Variants in MAN1A2 observed in about 807,000 individuals in gnomAD.
MAN1A2 encodes mannosidase alpha class 1A member 2, also known as mannosyl-oligosaccharide 1,2-alpha-mannosidase IB.
In MAN1A2, 26 loss-of-function variants were observed where a neutral mutation model predicts 75.7. That is an observed-to-expected ratio of 0.34 (90% CI 0.25 to 0.48). The LOEUF (loss-of-function observed/expected upper bound fraction) is 0.48. MAN1A2 is among the 20% of genes least tolerant of loss of function. MAN1A2 has a pLI of 0.99. For missense variants in MAN1A2, 562 were observed against 775.5 expected (o/e 0.72, Z 3.27); for synonymous variants, 247 against 264.6 (o/e 0.93, Z 0.65).
In MAN1A2 at chr1:117,420,613, A is replaced by T. The variant is rs763371079; in HGVS notation, c.819A>T (p.Gly273=). 5 of 1,613,062 alleles carry T rather than the reference A, an allele frequency of 3.1e-6. No homozygotes were observed. Among genetic ancestry groups the T allele is most frequent in the Non-Finnish European group, 4.2e-6 (5 of 1,179,248 alleles). The part of the protein sequence containing the change: ...SVFEVNIRFI[G]GLLAAYYLSG... ...TTGAAGTCAACATTCGATTTATTGG[A>T]GGCCTACTTGCAGCATATTACCTAT... Residue 273 remains glycine (G), a synonymous_variant, in exon 5 of 13, where the codon GGA becomes GGT. Coordinates refer to ENST00000356554, the MANE Select transcript of MAN1A2 (RefSeq NM_006699.5).
chr1:117,511,336 G>A (rs1216695539), intron 12 of MAN1A2, among the ~76,000 whole-genome samples: 2 of 151,980 alleles, frequency 1.3e-5, no homozygotes, highest in Non-Finnish European at 2.9e-5. Context: ...TCTGACATAG[G>A]TGTGTGGTGT....
At chr1:117,442,060 C>G (rs1649050549) in intron 5 of MAN1A2, among the ~76,000 whole-genome samples, 171 bp from the exon 6 acceptor site, 1 of 152,102 alleles carries the variant, frequency 6.6e-6, no homozygotes, top group African/African-American at 2.4e-5. Context: ...ATCCAGTTTG[C>G]AAACATGCTC....
intron 1 of MAN1A2, among the ~76,000 whole-genome samples, chr1:117,387,088 T>A (rs573884259): frequency 6.6e-6 from 1 of 152,094 alleles, no homozygotes; most frequent in South Asian, 2.1e-4. Context: ...TGAAAAGATA[T>A]TTTTCCAAAG....
At chr1:117,431,713 C>G (rs1648668662) in intron 5 of MAN1A2, among the ~76,000 whole-genome samples, 2 of 152,258 alleles carry the variant, frequency 1.3e-5, no homozygotes, top group African/African-American at 2.4e-5. Flanking sequence ...CTTTGGGAGG[C>G]TGAGGTGGGT....
At chr1:117,393,467 G>T (rs1464735252) in intron 1 of MAN1A2, among the ~76,000 whole-genome samples, 2 of 150,952 alleles carry the variant, frequency 1.3e-5, no homozygotes, top group African/African-American at 2.4e-5. Flanking sequence ...TTATATAACT[G>T]CTTCAACTAT....
chr1:117,377,070 A>G (rs1354480014), intron 1 of MAN1A2, among the ~76,000 whole-genome samples: 1 of 152,186 alleles, frequency 6.6e-6, no homozygotes, highest in East Asian at 1.9e-4. Flanking sequence ...TTAGCCATAT[A>G]TACATGAACA....
intron 1 of MAN1A2, among the ~76,000 whole-genome samples, chr1:117,368,984 A>G (rs1290061947): frequency 6.6e-6 from 1 of 152,174 alleles, no homozygotes; most frequent in Non-Finnish European, 1.5e-5. Flanking sequence ...TTTTAGGATG[A>G]CAAACGTGGG....
intron 1 of MAN1A2, among the ~76,000 whole-genome samples, chr1:117,396,616 A>G (rs1457651636): frequency 6.6e-6 from 1 of 152,210 alleles, no homozygotes; most frequent in East Asian, 1.9e-4. Context: ...TAAAATTTTG[A>G]GTCATATAGA....
chr1:117,445,107 T>C (rs1414911824), intron 6 of MAN1A2, among the ~76,000 whole-genome samples: 1 of 152,194 alleles, frequency 6.6e-6, no homozygotes, highest in Non-Finnish European at 1.5e-5. Context: ...ATACTTTTTT[T>C]CCATCTATGG....
intron 1 of MAN1A2, among the ~76,000 whole-genome samples, chr1:117,375,794 A>G (rs940068098): frequency 2.0e-5 from 3 of 152,106 alleles, no homozygotes; most frequent in Admixed American, 6.5e-5. Context: ...CTTTCCACCT[A>G]TGGGAGGTTC....
chr1:117,484,010 T>G (rs1401647011), intron 8 of MAN1A2, among the ~76,000 whole-genome samples: 2 of 151,888 alleles, frequency 1.3e-5, no homozygotes, highest in Admixed American at 1.3e-4. Flanking sequence ...ATAACCACAG[T>G]TGACCCTTGA....
chr1:117,489,894 A>G (rs936124437), intron 8 of MAN1A2, among the ~76,000 whole-genome samples: 1 of 151,944 alleles, frequency 6.6e-6, no homozygotes, highest in Non-Finnish European at 1.5e-5. Flanking sequence ...TTTAAAAACC[A>G]GGGATATTAC....
chr1:117,502,002 A>C (rs1409565640), intron 11 of MAN1A2, among the ~76,000 whole-genome samples: 1 of 151,810 alleles, frequency 6.6e-6, no homozygotes, highest in Non-Finnish European at 1.5e-5. Flanking sequence ...CTTTGAATTA[A>C]AAAATAAGGT....
Position 117,485,795 on chromosome 1 carries a change from C to T in MAN1A2, c.1169-7352C>T, listed in dbSNP as rs116009840. Among the ~76,000 whole-genome samples the T allele has an allele frequency of 4.5e-3, 691 of 151,982 alleles. 6 individuals carry two copies. The highest frequency in any genetic ancestry group is 0.016 in the African/African-American group (658 of 41,478). ...GCTTTCAATATGGATGTTAGTTTCC[C>T]AAAATAAAGTCTCCCTTCATTGTGA... On this transcript the variant is annotated intron_variant, in intron 8 of 12. Transcript: ENST00000356554.
chr1:117,523,119 T>C lies in MAN1A2; in HGVS notation c.*162T>C. 1 of 778,588 alleles carries C rather than the reference T, an allele frequency of 1.3e-6. No homozygotes were observed. Among genetic ancestry groups the C allele is most frequent in the Non-Finnish European group, 2.2e-6 (1 of 449,712 alleles). The allele number at this position is 778,588 out of a possible 1,614,324, so 48.2% of individuals were successfully genotyped here. On this transcript the variant is annotated 3_prime_UTR_variant, in exon 13 of 13. Transcript: ENST00000356554. ...GTTCAACTTGTAGATACATCAACTTTGAAATTATTCCATTTTATACCTGAC... is the reference window on the plus strand; with the variant it reads ...GTTCAACTTGTAGATACATCAACTTCGAAATTATTCCATTTTATACCTGAC...
chr1:117,374,367 A>G (rs1237950144), intron 1 of MAN1A2, among the ~76,000 whole-genome samples: 2 of 152,082 alleles, frequency 1.3e-5, no homozygotes, highest in African/African-American at 4.8e-5. Flanking sequence ...TGCTACTTTT[A>G]TTTTCCCTAG....
intron 6 of MAN1A2, among the ~76,000 whole-genome samples, chr1:117,444,060 G>C (rs913731102): frequency 6.6e-6 from 1 of 151,934 alleles, no homozygotes; most frequent in Admixed American, 6.6e-5. Context: ...AACAAAAGCA[G>C]AGCTTTTTTT....
intron 1 of MAN1A2, among the ~76,000 whole-genome samples, chr1:117,385,214 G>A (rs1653484773): frequency 6.6e-6 from 1 of 152,156 alleles, no homozygotes; most frequent in Non-Finnish European, 1.5e-5. Flanking sequence ...TGCAGTCTGA[G>A]GTTTTGCCCC....
intron 8 of MAN1A2, among the ~76,000 whole-genome samples, chr1:117,470,530 C>T (rs1447558066): frequency 1.3e-5 from 2 of 151,896 alleles, no homozygotes; most frequent in African/African-American, 2.4e-5. Context: ...ACTTTTATTC[C>T]TCTGTTTTTT....
Sources: gnomAD v4.1 joint callset for allele counts (sites outside exome capture counted in the v4.1 genomes callset) on GRCh38, gnomAD v4.1.1 for gene constraint, MANE v1.5 for transcripts, NCBI Gene and HGNC (gene_info 2026-07-23, HGNC 2026-07-21) for gene names.